The following SLC25A26 variants were observed in gnomAD, a reference collection of about 807,000 sequenced individuals.
The protein encoded by SLC25A26 is solute carrier family 25 member 26, also known as mitochondrial S-adenosylmethionine carrier protein.
In SLC25A26, 36 loss-of-function variants were observed where a neutral mutation model predicts 37.8. The ratio of observed to expected loss-of-function variants is 0.95; its 90% confidence interval spans 0.73 to 1.26. The LOEUF (loss-of-function observed/expected upper bound fraction) is 1.26. Among genes scored for constraint, SLC25A26 ranks in the 50% most tolerant of loss-of-function variants. The pLI, the probability that SLC25A26 is intolerant of heterozygous loss-of-function variation, is 0.00. For missense variants in SLC25A26, 390 were observed against 331.1 expected, an observed-to-expected ratio of 1.18 and a Z score of -1.38; for synonymous variants, 129 against 122.5, an observed-to-expected ratio of 1.05 and a Z score of -0.35.
At chr3:66,368,207 G>A (rs558279411) in intron 7 of SLC25A26, among the ~76,000 whole-genome samples, 1 of 152,262 alleles carries the variant, frequency 6.6e-6, no homozygotes, top group Admixed American at 6.5e-5. Flanking sequence ...CTTCACACAC[G>A]GGTGTCCTGT....
chr3:66,269,387 A>G (rs1035340778), intron 5 of SLC25A26, among the ~76,000 whole-genome samples: 2 of 152,252 alleles, frequency 1.3e-5, no homozygotes, highest in African/African-American at 4.8e-5. Flanking sequence ...TGTTATATCC[A>G]GATGTCTTAT....
intron 1 of SLC25A26, among the ~76,000 whole-genome samples, chr3:66,182,775 C>T (rs1416227249): frequency 6.6e-6 from 1 of 151,690 alleles, no homozygotes; most frequent in Non-Finnish European, 1.5e-5. Flanking sequence ...AAGTCGTCCT[C>T]TGCTCCTAAT....
At chr3:66,231,302 G>T (rs924253650) in intron 1 of SLC25A26, among the ~76,000 whole-genome samples, 1 of 152,134 alleles carries the variant, frequency 6.6e-6, no homozygotes, top group Non-Finnish European at 1.5e-5. Context: ...AGTAGGTTGA[G>T]GTTCTTAGTT....
At chr3:66,265,881 C>T (rs896156923) in intron 5 of SLC25A26, among the ~76,000 whole-genome samples, 8 of 152,204 alleles carry the variant, frequency 5.3e-5, no homozygotes, top group Non-Finnish European at 1.2e-4. Context: ...CACCTGGGTG[C>T]AGGACAAAGA....
At chr3:66,218,856 G>A (rs2106853161), upstream of SLC25A26, among the ~76,000 whole-genome samples, 1 of 152,320 alleles carries the variant, frequency 6.6e-6, no homozygotes, top group East Asian at 1.9e-4. Context: ...CTTGGAATTG[G>A]ATCCTGCGGT....
chr3:66,235,025 T>C (rs2072207812), intron 1 of SLC25A26, among the ~76,000 whole-genome samples: 2 of 152,314 alleles, frequency 1.3e-5, no homozygotes, highest in East Asian at 1.9e-4. Context: ...ATGATGCCTT[T>C]AGATCTGGGT....
At chr3:66,224,040 C>G (rs2071624224) in intron 1 of SLC25A26, among the ~76,000 whole-genome samples, 1 of 152,066 alleles carries the variant, frequency 6.6e-6, no homozygotes, top group African/African-American at 2.4e-5. Flanking sequence ...AAAAATAGTG[C>G]TTGTGAAGAG....
At chr3:66,320,755 C>CT (rs1242100497) in intron 5 of SLC25A26, among the ~76,000 whole-genome samples, 2 of 152,078 alleles carry the variant, frequency 1.3e-5, no homozygotes, top group African/African-American at 2.4e-5. Flanking sequence ...TGTTTTTTCT[C>CT]TTTAAATTAT....
At chr3:66,273,339 T>C (rs539882886) in intron 5 of SLC25A26, among the ~76,000 whole-genome samples, 1 of 152,266 alleles carries the variant, frequency 6.6e-6, no homozygotes, top group African/African-American at 2.4e-5. Context: ...CCTTTTTCTA[T>C]TGATTGGAAT....
At chr3:66,155,344 T>C (rs986561864) in intron 1 of SLC25A26, among the ~76,000 whole-genome samples, 34 of 152,130 alleles carry the variant, frequency 2.2e-4, no homozygotes, top group African/African-American at 7.7e-4. Context: ...ACCCTGTCTC[T>C]ACATAAAAAA....
At chr3:66,181,780 C>CTTTT (rs922019884) in intron 1 of SLC25A26, among the ~76,000 whole-genome samples, 20 of 97,044 alleles carry the variant, frequency 2.1e-4, no homozygotes, top group African/African-American at 3.3e-4. Flanking sequence ...CTCCCCTTGT[C>CTTTT]TTTTTTTTTT....
At chr3:66,335,630 T>C (rs1398719942) in intron 5 of SLC25A26, among the ~76,000 whole-genome samples, 1 of 152,180 alleles carries the variant, frequency 6.6e-6, no homozygotes, top group Non-Finnish European at 1.5e-5. Flanking sequence ...CTTTCCTCCA[T>C]TCACTGATGT....
At chr3:66,143,889 A>G (rs1166554199) in intron 1 of SLC25A26, among the ~76,000 whole-genome samples, 3 of 152,072 alleles carry the variant, frequency 2.0e-5, no homozygotes, top group Admixed American at 6.6e-5. Flanking sequence ...TCAAAAACAA[A>G]ATTAATAACT....
intron 5 of SLC25A26, among the ~76,000 whole-genome samples, chr3:66,284,536 A>G (rs1274473070): frequency 1.3e-5 from 2 of 152,222 alleles, no homozygotes; most frequent in African/African-American, 2.4e-5. Context: ...ATGCATATCA[A>G]TATTGTTTAT....
chr3:66,298,064 C>G (rs1050061137), intron 5 of SLC25A26, among the ~76,000 whole-genome samples: 1 of 152,186 alleles, frequency 6.6e-6, no homozygotes, highest in East Asian at 1.9e-4. Flanking sequence ...GCTAGAAATG[C>G]AGAATCTAAG....
At chr3:66,277,784 C>T (rs1421524807) in intron 5 of SLC25A26, among the ~76,000 whole-genome samples, 2 of 152,052 alleles carry the variant, frequency 1.3e-5, no homozygotes, top group Non-Finnish European at 2.9e-5. Flanking sequence ...ATTATATTAA[C>T]ATCATACATC....
In SLC25A26 at chr3:66,262,165, GT is replaced by G. The variant is rs574023551; in HGVS notation, c.405+16del. 9 of 1,373,132 alleles carry G rather than the reference GT, an allele frequency of 6.6e-6. No individual in the cohort carries two copies. Among genetic ancestry groups the G allele is most frequent in the Non-Finnish European group, 8.0e-6 (8 of 997,872 alleles). 85.1% of individuals were successfully genotyped at this position (1,373,132 alleles called of 1,614,324 possible). Reference sequence around the variant, plus strand: ...CATCTTATATGAAGAGGTGAGATGGGTTTTTTAAGCTCTTCTTTTCTTTATT... The same window carrying G: ...CATCTTATATGAAGAGGTGAGATGGGTTTTTAAGCTCTTCTTTTCTTTATT... On this transcript the variant is annotated intron_variant, in intron 4 of 9. Coordinates refer to ENST00000354883, the MANE Select transcript of SLC25A26 (RefSeq NM_001379210.1).
chr3:66,175,165 T>C (rs954908977), intron 1 of SLC25A26, among the ~76,000 whole-genome samples: 4 of 145,298 alleles, frequency 2.8e-5, no homozygotes, highest in African/African-American at 1.0e-4. Flanking sequence ...ACACACATTA[T>C]ATGTATATAT....
intron 5 of SLC25A26, among the ~76,000 whole-genome samples, chr3:66,312,261 G>A (rs911490020): frequency 4.6e-5 from 7 of 152,162 alleles, no homozygotes; most frequent in African/African-American, 1.2e-4. Flanking sequence ...CCCGAACTTC[G>A]CCGCAGCTTT....
Sources: gnomAD v4.1 joint callset for allele counts (sites outside exome capture counted in the v4.1 genomes callset) on GRCh38, gnomAD v4.1.1 for gene constraint, MANE v1.5 for transcripts, NCBI Gene and HGNC (gene_info 2026-07-23, HGNC 2026-07-21) for gene names.